Variants in PCLO observed in about 807,000 individuals in gnomAD.
The protein encoded by PCLO is protein piccolo.
In PCLO, 82 loss-of-function variants were observed where a neutral mutation model predicts 427.5. That is an observed-to-expected ratio of 0.19 (90% CI 0.16 to 0.23). The LOEUF (loss-of-function observed/expected upper bound fraction) is 0.23. PCLO is among the 10% of genes least tolerant of loss of function. The pLI is 1.00. For missense variants in PCLO, 6,239 were observed against 6,115.9 expected (o/e 1.02, Z -0.67); for synonymous variants, 2,357 against 2,155.4 (o/e 1.09, Z -2.59).
At position 83,071,172 on chromosome 7, in the gene PCLO, C is replaced by T. The variant is rs140015933; in HGVS notation, c.3300+63078G>A. Among the ~76,000 whole-genome samples the T allele has an allele frequency of 9.3e-4, 141 of 152,122 alleles. 1 individual carries two copies. Among genetic ancestry groups the T allele is most frequent in the African/African-American group, 3.0e-3 (124 of 41,530 alleles). On this transcript the variant is annotated intron_variant, in intron 3 of 24. Coordinates refer to ENST00000333891, the MANE Select transcript of PCLO (RefSeq NM_033026.6). The stretch of plus-strand genomic sequence containing the variant: ...CTGTTTTCAAATCTTTTCCATCACC[C>T]TAAACACAGACTTTGTGACCTTTAG...
chr7:83,035,586 T>C (rs1055640028), intron 3 of PCLO, among the ~76,000 whole-genome samples: 6 of 152,172 alleles, frequency 3.9e-5, no homozygotes, highest in African/African-American at 1.2e-4. Context: ...TGACAGATTA[T>C]ATTAATCTCT....
intron 22 of PCLO, 26 bp downstream of exon 22, chr7:82,801,492 A>T: frequency 1.6e-6 from 2 of 1,289,506 alleles, no homozygotes; most frequent in Non-Finnish European, 2.3e-6. Context: ...TTCAGCCAAA[A>T]TCCAATATTG....
chr7:83,016,591 A>G (rs1788213050), intron 3 of PCLO, among the ~76,000 whole-genome samples: 1 of 152,106 alleles, frequency 6.6e-6, no homozygotes, highest in South Asian at 2.1e-4. Flanking sequence ...ACTAGAGATG[A>G]CGTTTCAGAA....
chr7:83,051,669 C>T (rs1562939797), intron 3 of PCLO, among the ~76,000 whole-genome samples: 1 of 151,996 alleles, frequency 6.6e-6, no homozygotes, highest in African/African-American at 2.4e-5. Flanking sequence ...AATCAAAATC[C>T]CAGAAAGTTA....
chr7:83,070,737 A>AAC (rs1331712215), intron 3 of PCLO, among the ~76,000 whole-genome samples: 4 of 152,150 alleles, frequency 2.6e-5, no homozygotes, highest in Non-Finnish European at 4.4e-5. Context: ...GGACAACTAA[A>AAC]ACACACACTA....
intron 20 of PCLO, among the ~76,000 whole-genome samples, chr7:82,806,966 G>A (rs1791471509): frequency 1.1e-5 from 1 of 87,516 alleles, no homozygotes; most frequent in African/African-American, 4.5e-5. Flanking sequence ...TCTTCTCAAG[G>A]TATCCCCACT....
At chr7:82,875,288 A>T (rs1793342311) in intron 10 of PCLO, among the ~76,000 whole-genome samples, 1 of 152,060 alleles carries the variant, frequency 6.6e-6, no homozygotes. Flanking sequence ...ATTTTAGGAG[A>T]TGGCACACAT....
At chr7:83,014,476 A>C (rs1788159229) in intron 3 of PCLO, among the ~76,000 whole-genome samples, 1 of 152,186 alleles carries the variant, frequency 6.6e-6, no homozygotes, top group Non-Finnish European at 1.5e-5. Context: ...TAATGGATCA[A>C]AGAATATATT....
At chr7:82,965,028 C>T (rs1795732815) in intron 4 of PCLO, among the ~76,000 whole-genome samples, 1 of 151,920 alleles carries the variant, frequency 6.6e-6, no homozygotes, top group Admixed American at 6.6e-5. Flanking sequence ...CTTACAGCTC[C>T]AAAAAATATC....
rs1388283247 is a variant in PCLO at position 82,884,822 on chromosome 7, T to TC, written c.13529-5361_13529-5360insG. Among the ~76,000 whole-genome samples, 4 of 152,040 alleles carry TC rather than the reference T, an allele frequency of 2.6e-5. No homozygotes were observed. In the East Asian group the frequency reaches 5.8e-4, roughly 22 times the overall value. On this transcript the variant is annotated intron_variant, in intron 9 of 24. Coordinates refer to ENST00000333891, the MANE Select transcript of PCLO (RefSeq NM_033026.6). ...GTGTTAAAGAAAATTCTTTTTTTTT[T>TC]TGAGAAACACTTATGAAACTCTACG...
rs539174690 is a variant in PCLO at position 82,959,076 on chromosome 7, AT to A, written c.4018-2142del. Among the ~76,000 whole-genome samples, 10 of 150,804 alleles carry A rather than the reference AT, an allele frequency of 6.6e-5. No individual in the cohort carries two copies. The South Asian group carries it at 1.0e-3, about 16-fold the overall frequency. On this transcript the variant is annotated intron_variant, in intron 4 of 24. Transcript: ENST00000333891. ...GTGTATTCTTATTTTTCTTCTTACTATTTTTTTTTAGATGGAGTCACGCTCT... is the reference window on the plus strand; with the variant it reads ...GTGTATTCTTATTTTTCTTCTTACTATTTTTTTTAGATGGAGTCACGCTCT...
At chr7:82,999,581 TATTAAA>T (rs1247729915) in intron 3 of PCLO, among the ~76,000 whole-genome samples, 1 of 31,498 alleles carries the variant, frequency 3.2e-5, no homozygotes, top group Non-Finnish European at 4.5e-5. Context: ...TATAATATTA[TATTAAA>T]ATATAAAATA....
chr7:83,090,603 A>G (rs975924171), intron 3 of PCLO, among the ~76,000 whole-genome samples: 2 of 152,144 alleles, frequency 1.3e-5, no homozygotes, highest in African/African-American at 4.8e-5. Flanking sequence ...GTCCTTTTCC[A>G]GATCTAAAAT....
At chr7:82,860,746 TACA>T (rs1205422029) in intron 10 of PCLO, among the ~76,000 whole-genome samples, 2 of 151,938 alleles carry the variant, frequency 1.3e-5, no homozygotes, top group Admixed American at 6.6e-5. Flanking sequence ...AAATAATAAC[TACA>T]ACAACTTTTC....
In PCLO at chr7:82,805,811, C is replaced by T. The variant is rs1262945925; in HGVS notation, c.14810G>A (p.Arg4937Gln). ...GGTGGACACAGAGCTTTCTGCAGGC[C>T]GGTGATTGGGAGGCTTTGCTGCATG... The part of the protein sequence containing the change: ...RIQPTKPPNH[R>Q]PAESSVSTGS... The change falls in exon 21 of 25, where the codon CGG (arginine) becomes CAG (glutamine). Residue 4937 changes from arginine (R) to glutamine (Q), a missense_variant. Physicochemically the swap from Arg to Gln is conservative, Grantham distance 43 (BLOSUM62 1). Transcript: ENST00000333891. 9.4e-6 allele frequency: 15 copies of T among 1,604,148 alleles called. No individual in the cohort carries two copies. The highest frequency in any genetic ancestry group is 1.7e-5 in the Admixed American group (1 of 58,646).
chr7:83,077,020 T>TGA (rs1421341005), intron 3 of PCLO, among the ~76,000 whole-genome samples: 102 of 67,512 alleles, frequency 1.5e-3, no homozygotes, highest in Admixed American at 7.3e-3. Context: ...AAAAATGCAT[T>TGA]GATATATATA....
chr7:82,950,109 A>T lies in PCLO; in HGVS notation c.10479T>A (p.Arg3493=), dbSNP rs925395011. The part of the protein sequence containing the change: ...DMPTRSRRKA[R]VGKYGDSMTE... Reference sequence around the variant, plus strand: ...TCATGCTGTCACCATATTTCCCTACACGAGCTTTCCTCCTTGATCTAGTAG... The same window carrying T: ...TCATGCTGTCACCATATTTCCCTACTCGAGCTTTCCTCCTTGATCTAGTAG... Residue 3493 remains arginine, a synonymous_variant, in exon 6 of 25, where the codon CGT becomes CGA. Transcript: ENST00000333891. 1.9e-6 allele frequency: 3 copies of T among 1,609,296 alleles called. No individual in the cohort carries two copies. The highest frequency in any genetic ancestry group is 1.7e-6 in the Non-Finnish European group (2 of 1,178,996).
intron 2 of PCLO, among the ~76,000 whole-genome samples, chr7:83,139,393 T>A (rs181485712): frequency 6.6e-6 from 1 of 152,222 alleles, no homozygotes; most frequent in African/African-American, 2.4e-5. Flanking sequence ...TGGAGCTTCA[T>A]CCATAGCCAG....
At chr7:82,998,131 C>T (rs1319520638) in intron 3 of PCLO, among the ~76,000 whole-genome samples, 1 of 152,046 alleles carries the variant, frequency 6.6e-6, no homozygotes, top group African/African-American at 2.4e-5. Context: ...GAAACCAGTA[C>T]TGGGGCTGGA....
Sources: gnomAD v4.1 joint callset for allele counts (sites outside exome capture counted in the v4.1 genomes callset) on GRCh38, gnomAD v4.1.1 for gene constraint, MANE v1.5 for transcripts, NCBI Gene and HGNC (gene_info 2026-07-23, HGNC 2026-07-21) for gene names.